The following NCOA1 variants were observed in gnomAD, a reference collection of about 807,000 sequenced individuals.
NCOA1 encodes Hin-2 protein.
In NCOA1, 35 loss-of-function variants were observed where a neutral mutation model predicts 150.9. The ratio of observed to expected loss-of-function variants is 0.23; its 90% CI spans 0.18 to 0.31. The LOEUF (loss-of-function observed/expected upper bound fraction) is 0.31. NCOA1 is among the 10% of genes least tolerant of loss of function. The pLI is 1.00. For synonymous variants in NCOA1, 590 were observed against 630.0 expected, an observed-to-expected ratio of 0.94 and a Z score of 0.95; for missense variants, 1,491 against 1,749.3, an observed-to-expected ratio of 0.85 and a Z score of 2.63.
At chr2:24,722,932 A>G (rs1360326749) in intron 14 of NCOA1, among the ~76,000 whole-genome samples, 1 of 138,910 alleles carries the variant, frequency 7.2e-6, no homozygotes, top group Non-Finnish European at 1.5e-5. Flanking sequence ...TGGAGGTTGC[A>G]GTGAGCCGAG....
At chr2:24,688,001 C>T (rs1326755869) in intron 8 of NCOA1, among the ~76,000 whole-genome samples, 1 of 152,148 alleles carries the variant, frequency 6.6e-6, no homozygotes, top group Non-Finnish European at 1.5e-5. Flanking sequence ...TGAGAACATG[C>T]AGTGTTTGGT....
intron 14 of NCOA1, among the ~76,000 whole-genome samples, chr2:24,720,420 T>C (rs1025903681): frequency 1.3e-5 from 2 of 152,254 alleles, no homozygotes; most frequent in African/African-American, 4.8e-5. Context: ...TAGTCTGTAT[T>C]GAGGCAAACA....
At chr2:24,688,147 G>A (rs1421434453) in intron 8 of NCOA1, among the ~76,000 whole-genome samples, 1 of 152,048 alleles carries the variant, frequency 6.6e-6, no homozygotes, top group Non-Finnish European at 1.5e-5. Flanking sequence ...TCTTTATCCA[G>A]TCTGCCTTGA....
intron 1 of NCOA1, among the ~76,000 whole-genome samples, chr2:24,505,713 A>G (rs1208078861): frequency 6.6e-6 from 1 of 151,902 alleles, no homozygotes; most frequent in African/African-American, 2.4e-5. Flanking sequence ...TGGGCATGTG[A>G]CTCAGGCTTG....
At chr2:24,746,803 G>T (rs1244616694) in intron 19 of NCOA1, among the ~76,000 whole-genome samples, 1 of 152,022 alleles carries the variant, frequency 6.6e-6, no homozygotes, top group Non-Finnish European at 1.5e-5. Context: ...TTATACATTT[G>T]TCCAAATCCA....
Position 24,721,148 on chromosome 2 carries a change from T to G in NCOA1, c.2600-5441T>G, listed in dbSNP as rs963790626. ...ATCTTCAGCTATGTCCATCCTGCCC[T>G]TCAGTCCATCTATTGAGATCATTTC... On this transcript the variant is annotated intron_variant, in intron 14 of 22. Transcript: ENST00000348332. Among the ~76,000 whole-genome samples the G allele has an allele frequency of 1.4e-4, 21 of 152,226 alleles. 1 individual carries two copies. Among genetic ancestry groups the G allele is most frequent in the Admixed American group, 1.4e-3 (21 of 15,280 alleles).
intron 1 of NCOA1, among the ~76,000 whole-genome samples, chr2:24,521,775 C>T (rs1252383857): frequency 6.6e-6 from 1 of 152,128 alleles, no homozygotes; most frequent in East Asian, 1.9e-4. Flanking sequence ...CATTTGATAA[C>T]TCTGATTTTA....
chr2:24,576,170 G>GTTTTTTTTTTTTTTTTTT (rs869093026), intron 2 of NCOA1, among the ~76,000 whole-genome samples: 3 of 46,320 alleles, frequency 6.5e-5, no homozygotes, highest in African/African-American at 1.3e-4. Context: ...TTTGTTTTTT[G>GTTTTTTTTTTTTTTTTTT]TTTTTTTTTT....
At chr2:24,745,336 G>A (rs1369541338) in intron 19 of NCOA1, among the ~76,000 whole-genome samples, 1 of 151,594 alleles carries the variant, frequency 6.6e-6, no homozygotes, top group African/African-American at 2.4e-5. Flanking sequence ...TAATTTTTTT[G>A]TATTTTTAGT....
At chr2:24,754,027 T>A (rs1664378335) in intron 20 of NCOA1, among the ~76,000 whole-genome samples, 1 of 152,182 alleles carries the variant, frequency 6.6e-6, no homozygotes, top group Non-Finnish European at 1.5e-5. Context: ...TTTCCACTTG[T>A]CCAGAAGAAA....
At chr2:24,600,262 G>A (rs537624044) in intron 3 of NCOA1, among the ~76,000 whole-genome samples, 3 of 152,224 alleles carry the variant, frequency 2.0e-5, no homozygotes, top group South Asian at 4.1e-4. Context: ...GAGTGCAGTG[G>A]TGGTGCAATG....
intron 3 of NCOA1, among the ~76,000 whole-genome samples, chr2:24,600,537 A>G (rs1461210705): frequency 6.6e-6 from 1 of 152,058 alleles, no homozygotes; most frequent in African/African-American, 2.4e-5. Context: ...TTTATTTCCC[A>G]TTCGTTGTTA....
chr2:24,607,547 G>A (rs1668426764), intron 3 of NCOA1, among the ~76,000 whole-genome samples: 1 of 152,122 alleles, frequency 6.6e-6, no homozygotes, highest in Non-Finnish European at 1.5e-5. Context: ...AAATTTAGCC[G>A]GGTGTAGTGG....
At chr2:24,715,037 A>G (rs1673947768) in intron 14 of NCOA1, among the ~76,000 whole-genome samples, 1 of 152,156 alleles carries the variant, frequency 6.6e-6, no homozygotes, top group South Asian at 2.1e-4. Flanking sequence ...TATAAGATGA[A>G]CAAAGATAAG....
chr2:24,768,125 G>A, intron 22 of NCOA1, 96 bp from the exon 23 acceptor site: 1 of 1,614,026 alleles, frequency 6.2e-7, no homozygotes, highest in Non-Finnish European at 8.5e-7. Context: ...ACAGACTAGA[G>A]GAATGCTCTA....
At chr2:24,511,467 TTTCCC>T (rs765216202) in intron 1 of NCOA1, among the ~76,000 whole-genome samples, 1 of 152,220 alleles carries the variant, frequency 6.6e-6, no homozygotes, top group Non-Finnish European at 1.5e-5. Context: ...TTGATTTGCA[TTTCCC>T]TAATGACTAT....
At chr2:24,498,046 A>G (rs1663299661) in intron 1 of NCOA1, among the ~76,000 whole-genome samples, 1 of 152,278 alleles carries the variant, frequency 6.6e-6, no homozygotes, top group Non-Finnish European at 1.5e-5. Context: ...ATATAAACAT[A>G]TCACATCATA....
intron 18 of NCOA1, 34 bp downstream of exon 18, chr2:24,739,567 C>T: frequency 6.8e-7 from 1 of 1,470,650 alleles, no homozygotes; most frequent in Non-Finnish European, 9.5e-7. Flanking sequence ...ATTAGTACTT[C>T]TTTAACCCAC....
intron 1 of NCOA1, among the ~76,000 whole-genome samples, chr2:24,563,374 T>G (rs530762166): frequency 6.6e-6 from 1 of 152,176 alleles, no homozygotes; most frequent in Non-Finnish European, 1.5e-5. Context: ...GCCCCACATT[T>G]CTGACCCGTG....
Sources: gnomAD v4.1 joint callset for allele counts (sites outside exome capture counted in the v4.1 genomes callset) on GRCh38, gnomAD v4.1.1 for gene constraint, MANE v1.5 for transcripts, NCBI Gene and HGNC (gene_info 2026-07-23, HGNC 2026-07-21) for gene names.